The following SLC4A4 variants were observed in gnomAD, a reference collection of about 807,000 sequenced individuals.
The protein encoded by SLC4A4 is solute carrier family 4 member 4.
In SLC4A4, 27 loss-of-function variants were observed where a neutral mutation model predicts 111.5. That is an observed-to-expected ratio of 0.24 (90% CI 0.18 to 0.33). The LOEUF is 0.33. Ranked by LOEUF, SLC4A4 falls within the 10% of genes least tolerant of loss-of-function variation. The probability of loss-of-function intolerance (pLI) is 1.00; values close to 1 mark genes in which losing one functional copy is unlikely to be tolerated. For missense variants in SLC4A4, 909 were observed against 1,315.5 expected, an observed-to-expected ratio of 0.69 and a Z score of 4.78; for synonymous variants, 443 against 463.4, an observed-to-expected ratio of 0.96 and a Z score of 0.57.
intron 4 of SLC4A4, among the ~76,000 whole-genome samples, chr4:71,344,217 G>A (rs1312836505): frequency 6.6e-6 from 1 of 152,168 alleles, no homozygotes; most frequent in Non-Finnish European, 1.5e-5. Context: ...ACAAAGACTG[G>A]TTAATAGAAT....
intron 2 of SLC4A4, among the ~76,000 whole-genome samples, chr4:71,140,270 A>G (rs1560740102): frequency 6.6e-6 from 1 of 152,032 alleles, no homozygotes; most frequent in African/African-American, 2.4e-5. Flanking sequence ...AAATACAACA[A>G]ATTAGCTGGG....
At chr4:71,407,244 T>TA (rs1020580888) in intron 7 of SLC4A4, among the ~76,000 whole-genome samples, 109 of 152,232 alleles carry the variant, frequency 7.2e-4, no homozygotes, top group African/African-American at 2.4e-3. Context: ...AAATGAATAA[T>TA]AAAAAATTTT....
At chr4:71,463,758 T>A (rs1727057436) in intron 12 of SLC4A4, among the ~76,000 whole-genome samples, 1 of 152,126 alleles carries the variant, frequency 6.6e-6, no homozygotes, top group Admixed American at 6.6e-5. Flanking sequence ...CCTTTAACAT[T>A]TGCTGAGTGT....
intron 7 of SLC4A4, among the ~76,000 whole-genome samples, chr4:71,407,879 CACTT>C (rs1199564851): frequency 1.3e-5 from 2 of 151,840 alleles, no homozygotes; most frequent in Admixed American, 1.3e-4. Context: ...AGTTACAACA[CACTT>C]AATTTACAGA....
chr4:71,068,312 G>T (rs111886473), intron 1 of SLC4A4, among the ~76,000 whole-genome samples: 9 of 151,852 alleles, frequency 5.9e-5, no homozygotes, highest in Admixed American at 5.3e-4. Context: ...TGATCTGCCC[G>T]CCTTGGCTTC....
chr4:71,162,915 C>A (rs756960278), intron 2 of SLC4A4, among the ~76,000 whole-genome samples: 2 of 152,138 alleles, frequency 1.3e-5, no homozygotes, highest in Non-Finnish European at 2.9e-5. Context: ...TGTTTGGGAA[C>A]ATTCTTTTTC....
At chr4:71,552,753 A>T (rs7692859) in intron 20 of SLC4A4, among the ~76,000 whole-genome samples, 99,848 of 151,594 alleles carry the variant, frequency 0.66, 33,712 homozygotes, top group Non-Finnish European at 0.73. Context: ...ACATAATTTT[A>T]TCATTTGGCA....
chr4:71,484,233 C>T (rs1462571686), intron 14 of SLC4A4, among the ~76,000 whole-genome samples: 2 of 151,848 alleles, frequency 1.3e-5, no homozygotes, highest in African/African-American at 2.4e-5. Context: ...GCATCTTTGT[C>T]ATGAAATCTT....
intron 7 of SLC4A4, among the ~76,000 whole-genome samples, chr4:71,418,437 T>G (rs1722017085): frequency 6.6e-6 from 1 of 152,240 alleles, no homozygotes; most frequent in African/African-American, 2.4e-5. Flanking sequence ...GTCTGTATTC[T>G]TTCATATTTC....
intron 6 of SLC4A4, among the ~76,000 whole-genome samples, chr4:71,367,166 T>C (rs374715550): frequency 6.6e-6 from 1 of 151,620 alleles, no homozygotes; most frequent in South Asian, 2.1e-4. Context: ...TTGAGGGGAG[T>C]AGAGGAGAGA....
At chr4:71,129,937 C>T (rs1212363832) in intron 2 of SLC4A4, among the ~76,000 whole-genome samples, 1 of 151,896 alleles carries the variant, frequency 6.6e-6, no homozygotes, top group Non-Finnish European at 1.5e-5. Context: ...ACATTGCGTA[C>T]ACGTGGACAC....
At chr4:71,302,865 A>C (rs1578790814) in intron 3 of SLC4A4, among the ~76,000 whole-genome samples, 1 of 152,224 alleles carries the variant, frequency 6.6e-6, no homozygotes, top group East Asian at 1.9e-4. Context: ...GAAAACATCA[A>C]AGTCTATACT....
intron 4 of SLC4A4, among the ~76,000 whole-genome samples, chr4:71,349,317 A>G (rs1729606104): frequency 6.6e-6 from 1 of 152,206 alleles, no homozygotes; most frequent in Non-Finnish European, 1.5e-5. Flanking sequence ...AATCACAATA[A>G]GAGGGGAATA....
intron 8 of SLC4A4, among the ~76,000 whole-genome samples, chr4:71,445,476 A>C (rs2149067320): frequency 6.6e-6 from 1 of 152,308 alleles, no homozygotes; most frequent in East Asian, 1.9e-4. Context: ...GAAGAGATAC[A>C]GAGTGTTTGG....
At chr4:71,357,437 T>C (rs982727700) in intron 6 of SLC4A4, among the ~76,000 whole-genome samples, 1 of 152,188 alleles carries the variant, frequency 6.6e-6, no homozygotes. Flanking sequence ...TCTATTCTGA[T>C]TGATGGAGGT....
In SLC4A4 at chr4:71,429,704, T is replaced by C. The variant is rs1018730211; in HGVS notation, c.808-10912T>C. Among the ~76,000 whole-genome samples the C allele has an allele frequency of 3.3e-5, 5 of 152,254 alleles. No homozygotes were observed. In the South Asian group the frequency reaches 1.0e-3, roughly 32 times the overall value. ...GGTTGGCTAAAGGAATTTTTGTTTT[T>C]CACTCTGTGTGTTCTTGTAGTTGAC... is the stretch of plus-strand genomic sequence containing the variant. On this transcript the variant is annotated intron_variant, in intron 7 of 25. Transcript: ENST00000264485.
chr4:71,539,030 A>G (rs1364177686), intron 18 of SLC4A4, among the ~76,000 whole-genome samples: 1 of 152,070 alleles, frequency 6.6e-6, no homozygotes, highest in Non-Finnish European at 1.5e-5. Flanking sequence ...ATAATTTAGG[A>G]TAGATATCTA....
At chr4:71,401,376 C>T (rs1021184054) in intron 7 of SLC4A4, among the ~76,000 whole-genome samples, 1 of 152,136 alleles carries the variant, frequency 6.6e-6, no homozygotes, top group Non-Finnish European at 1.5e-5. Flanking sequence ...AATGCTTCAA[C>T]CATATTCCAA....
chr4:71,164,366 G>A (rs1578540912), intron 2 of SLC4A4, among the ~76,000 whole-genome samples: 1 of 150,062 alleles, frequency 6.7e-6, no homozygotes, highest in Non-Finnish European at 1.5e-5. Flanking sequence ...GGGAACAGAG[G>A]GAGACTCTGT....
Sources: gnomAD v4.1 joint callset for allele counts (sites outside exome capture counted in the v4.1 genomes callset) on GRCh38, gnomAD v4.1.1 for gene constraint, MANE v1.5 for transcripts, NCBI Gene and HGNC (gene_info 2026-07-23, HGNC 2026-07-21) for gene names.